Variants in KCNK10 observed in about 807,000 individuals in gnomAD.
KCNK10 encodes the protein potassium two pore domain channel subfamily K member 10, also known as potassium channel subfamily K member 10.
KCNK10 carries 25 observed loss-of-function variants against 47.7 expected under a neutral mutation model. That is an observed-to-expected ratio of 0.52 (90% CI 0.38 to 0.73). The LOEUF (loss-of-function observed/expected upper bound fraction) is 0.73. Among genes scored for constraint, KCNK10 ranks in the 30% least tolerant of loss-of-function variants. The pLI, the probability that KCNK10 is intolerant of heterozygous loss-of-function variation, is 0.00. For missense variants in KCNK10, 563 were observed against 714.5 expected, an observed-to-expected ratio of 0.79 and a Z score of 2.42; for synonymous variants, 303 against 285.6, an observed-to-expected ratio of 1.06 and a Z score of -0.61.
intron 1 of KCNK10, among the ~76,000 whole-genome samples, chr14:88,316,080 T>A (rs1888426076): frequency 6.6e-6 from 1 of 152,034 alleles, no homozygotes; most frequent in East Asian, 1.9e-4. Context: ...ATACAAAACC[T>A]AAAATCTCCT....
intron 2 of KCNK10, among the ~76,000 whole-genome samples, chr14:88,246,627 G>A (rs1025317830): frequency 6.6e-6 from 1 of 152,240 alleles, no homozygotes; most frequent in African/African-American, 2.4e-5. Context: ...GTCTCAGAGA[G>A]GATTTCTGGG....
chr14:88,192,145 T>G (rs532153829), intron 5 of KCNK10, 79 bp downstream of exon 5: 13 of 1,361,258 alleles, frequency 9.5e-6, no homozygotes, highest in Non-Finnish European at 1.3e-5. Context: ...GCAACATCTT[T>G]TATCGATTGC....
intron 1 of KCNK10, among the ~76,000 whole-genome samples, chr14:88,276,320 G>A (rs548799480): frequency 6.7e-6 from 1 of 148,816 alleles, no homozygotes; most frequent in Non-Finnish European, 1.5e-5. Context: ...GAAGACAGCT[G>A]TCTGTCAATC....
intron 4 of KCNK10, among the ~76,000 whole-genome samples, chr14:88,217,737 T>TA (rs991610129): frequency 6.6e-6 from 1 of 151,562 alleles, no homozygotes; most frequent in Non-Finnish European, 1.5e-5. Context: ...ATCTTTTTTT[T>TA]TTTGAGACAG....
intron 4 of KCNK10, among the ~76,000 whole-genome samples, chr14:88,207,235 C>T (rs1885308376): frequency 7.2e-6 from 1 of 138,832 alleles, no homozygotes; most frequent in South Asian, 2.3e-4. Flanking sequence ...TGCAGTGGTG[C>T]AATTTCGGCT....
upstream of KCNK10, chr14:88,326,538 T>C: frequency 8.9e-7 from 1 of 1,129,282 alleles, no homozygotes; most frequent in Non-Finnish European, 1.3e-6. Flanking sequence ...GCGGGTTAAG[T>C]CTGGTGGAAA....
rs181377692 is a variant in KCNK10 at position 88,257,907 on chromosome 14, G to T, written c.402+5295C>A. On this transcript the variant is annotated intron_variant, in intron 2 of 6. Transcript: ENST00000319231. ...TGAACTGGATAATTCTTTGTGGGAG[G>T]GGGGGTCTATGCTGTGCATTGTAGG... is the stretch of plus-strand genomic sequence containing the variant. Among the ~76,000 whole-genome samples the T allele has an allele frequency of 3.3e-4, 50 of 152,084 alleles. 1 individual carries two copies. The South Asian group carries it at 5.2e-3, about 16-fold the overall frequency.
At chr14:88,280,324 G>A (rs150486976) in intron 1 of KCNK10, among the ~76,000 whole-genome samples, 27 of 152,126 alleles carry the variant, frequency 1.8e-4, no homozygotes, top group Non-Finnish European at 2.2e-4. Flanking sequence ...ACCCTCTCTC[G>A]TTGGGTCTTT....
chr14:88,188,453 GT>G (rs1359968600), intron 5 of KCNK10, among the ~76,000 whole-genome samples: 1 of 152,154 alleles, frequency 6.6e-6, no homozygotes, highest in Non-Finnish European at 1.5e-5. Flanking sequence ...GGTTGTCATT[GT>G]TTTTTCTTAA....
intron 1 of KCNK10, among the ~76,000 whole-genome samples, chr14:88,284,640 A>G (rs995627327): frequency 2.6e-5 from 4 of 152,034 alleles, no homozygotes; most frequent in Non-Finnish European, 5.9e-5. Context: ...AAGCTGGAAG[A>G]CTCAGCGAGT....
chr14:88,296,218 A>G (rs946756006), intron 1 of KCNK10, among the ~76,000 whole-genome samples: 1 of 152,206 alleles, frequency 6.6e-6, no homozygotes, highest in African/African-American at 2.4e-5. Context: ...TGCATGGCAC[A>G]CTGGAAGTGG....
intron 1 of KCNK10, among the ~76,000 whole-genome samples, chr14:88,321,469 G>A (rs945240586): frequency 4.6e-5 from 7 of 152,176 alleles, no homozygotes; most frequent in African/African-American, 1.7e-4. Context: ...TGTTCTGACT[G>A]TATCTCCAGA....
At chr14:88,250,949 C>T (rs1398582747) in intron 2 of KCNK10, among the ~76,000 whole-genome samples, 1 of 152,110 alleles carries the variant, frequency 6.6e-6, no homozygotes, top group Non-Finnish European at 1.5e-5. Context: ...CAAACAGATA[C>T]AAAGGCTGGG....
intron 4 of KCNK10, among the ~76,000 whole-genome samples, chr14:88,217,577 C>T (rs545722697): frequency 3.3e-5 from 5 of 152,234 alleles, no homozygotes; most frequent in Non-Finnish European, 7.4e-5. Flanking sequence ...TTTTTAGAGA[C>T]AGGGCCTCAT....
intron 4 of KCNK10, among the ~76,000 whole-genome samples, chr14:88,224,958 C>T (rs994860501): frequency 6.6e-6 from 1 of 152,172 alleles, no homozygotes; most frequent in Non-Finnish European, 1.5e-5. Context: ...ATCCTCTCTT[C>T]CCAAGAGCTG....
intron 5 of KCNK10, among the ~76,000 whole-genome samples, chr14:88,190,430 C>A (rs1355641134): frequency 6.6e-6 from 1 of 152,134 alleles, no homozygotes; most frequent in East Asian, 1.9e-4. Context: ...ACGGATGATG[C>A]CAAGGGATTA....
intron 1 of KCNK10, among the ~76,000 whole-genome samples, chr14:88,274,802 C>G (rs1887492705): frequency 6.6e-6 from 1 of 152,062 alleles, no homozygotes; most frequent in Non-Finnish European, 1.5e-5. Flanking sequence ...CAATGCATGC[C>G]CCCTGTGTGC....
At chr14:88,272,652 C>G (rs924641118) in intron 1 of KCNK10, among the ~76,000 whole-genome samples, 12 of 151,986 alleles carry the variant, frequency 7.9e-5, no homozygotes, top group Non-Finnish European at 1.2e-4. Context: ...TATTAATGAG[C>G]GTGGGAAGCC....
intron 1 of KCNK10, among the ~76,000 whole-genome samples, chr14:88,272,587 A>G (rs1887431929): frequency 6.6e-6 from 1 of 152,146 alleles, no homozygotes; most frequent in Non-Finnish European, 1.5e-5. Flanking sequence ...AGATGGCTAC[A>G]CCAAAATAAA....
Sources: allele counts gnomAD v4.1 joint callset (sites outside exome capture counted in the v4.1 genomes callset), GRCh38; gene constraint gnomAD v4.1.1; transcripts MANE v1.5; gene names NCBI Gene and HGNC (gene_info 2026-07-23, HGNC 2026-07-21).